The following HEATR1 variants were observed in gnomAD, a reference collection of about 807,000 sequenced individuals.
HEATR1 encodes the protein HEAT repeat-containing protein 1.
A neutral mutation model predicts 248.2 loss-of-function variants in HEATR1; 77 were observed. The ratio of observed to expected loss-of-function variants is 0.31; its 90% confidence interval spans 0.26 to 0.37. The LOEUF (loss-of-function observed/expected upper bound fraction) is 0.37. Ranked by LOEUF, HEATR1 falls within the 10% of genes least tolerant of loss-of-function variation. The probability of loss-of-function intolerance (pLI) is 1.00; values close to 1 mark genes in which losing one functional copy is unlikely to be tolerated. For synonymous variants in HEATR1, 897 were observed against 923.1 expected, an observed-to-expected ratio of 0.97 and a Z score of 0.51; for missense variants, 2,420 against 2,504.9, an observed-to-expected ratio of 0.97 and a Z score of 0.72.
chr1:236,550,364 C>T lies in HEATR1; in HGVS notation c.*538G>A, dbSNP rs1403329259. The T allele has an allele frequency of 1.3e-5, 2 of 152,234 alleles. No individual in the cohort carries two copies. Among genetic ancestry groups the T allele is most frequent in the Non-Finnish European group, 2.9e-5 (2 of 68,082 alleles). 9.4% of individuals were successfully genotyped at this position (152,234 alleles called of 1,614,324 possible). A position where few individuals can be genotyped will look rare whatever the true frequency, so the allele number is the denominator to read the frequency against. On this transcript the variant is annotated 3_prime_UTR_variant, in exon 45 of 45. Transcript: ENST00000366582. ...TGGGTTAAAAAAAGCATTCCAGAAC[C>T]ACTTCTCTTTATGGGCACAACAAAG...
intron 22 of HEATR1, 31 bp from the exon 23 acceptor site, chr1:236,574,934 T>C (rs1663528221): frequency 3.1e-6 from 5 of 1,597,592 alleles, no homozygotes; most frequent in Non-Finnish European, 4.3e-6. Flanking sequence ...TAGTAAATAG[T>C]TATGTATACT....
At position 236,594,053 on chromosome 1, in the gene HEATR1, T is replaced by C; in HGVS notation, c.1152A>G (p.Thr384=). ...IYKRHLEAIL[T]KISLKNNLDH... is the part of the protein sequence containing the mutation. ...CTAAGTTGTTCTTCAGTGATATTTT[T>C]GTAAGTATAGCTTCTAAGTGTCTCT... The change falls in exon 9 of 45, where the codon ACA becomes ACG. Residue 384 remains threonine, a synonymous_variant. Transcript: ENST00000366582. 2 of 1,600,700 alleles carry C rather than the reference T, an allele frequency of 1.2e-6. No homozygotes were observed. Among genetic ancestry groups the C allele is most frequent in the South Asian group, 1.1e-5 (1 of 87,496 alleles).
At chr1:236,589,145 G>A (rs1007347333) in intron 12 of HEATR1, among the ~76,000 whole-genome samples, 4 of 152,098 alleles carry the variant, frequency 2.6e-5, no homozygotes, top group Admixed American at 2.0e-4. Flanking sequence ...ACCAAACCCA[G>A]AGAACAGGAG....
At chr1:236,591,717 A>T (rs1385742996) in intron 11 of HEATR1, among the ~76,000 whole-genome samples, 1 of 142,390 alleles carries the variant, frequency 7.0e-6, no homozygotes, top group Non-Finnish European at 1.6e-5. Context: ...CCGTCCTCTG[A>T]TGATTCTTAA....
chr1:236,555,234 A>C, intron 41 of HEATR1, 62 bp downstream of exon 41: 1 of 1,541,414 alleles, frequency 6.5e-7, no homozygotes, highest in Non-Finnish European at 8.8e-7. Flanking sequence ...GTTGTGTCTT[A>C]CTGGTACCTT....
chr1:236,569,504 G>C (rs188327346), intron 28 of HEATR1, among the ~76,000 whole-genome samples: 1 of 152,048 alleles, frequency 6.6e-6, no homozygotes, highest in African/African-American at 2.4e-5. Flanking sequence ...AATAAAAAGA[G>C]AAATAACCTG....
At chr1:236,591,530 C>T (rs1421073954) in intron 11 of HEATR1, among the ~76,000 whole-genome samples, 1 of 152,116 alleles carries the variant, frequency 6.6e-6, no homozygotes, top group East Asian at 1.9e-4. Flanking sequence ...AATGTCTAAC[C>T]TCTAGTATAA....
At chr1:236,559,666 TA>T (rs775265359) in intron 34 of HEATR1, 47 bp downstream of exon 34, 16 of 1,547,550 alleles carry the variant, frequency 1.0e-5, no homozygotes, top group Admixed American at 1.9e-5. Flanking sequence ...CACAATAATT[TA>T]AAAAACAGCA....
In HEATR1 at chr1:236,558,492, G is replaced by C; in HGVS notation, c.4949C>G (p.Ala1650Gly). ...RFLKLVPDLL[A>G]IVQRKKKEGE... is the part of the protein sequence containing the mutation. The stretch of plus-strand genomic sequence containing the variant: ...TTCCTTTTTCTTACGCTGCACAATG[G>C]CCAAAAGGTCTGGAACCAGTTTTAG... The change falls in exon 36 of 45, where the codon GCC (alanine) becomes GGC (glycine). Residue 1650 changes from alanine (A) to glycine (G), a missense_variant. Coordinates refer to ENST00000366582, the MANE Select transcript of HEATR1 (RefSeq NM_018072.6). 1.9e-6 allele frequency: 3 copies of C among 1,613,966 alleles called. No homozygotes were observed. Among genetic ancestry groups the C allele is most frequent in the Non-Finnish European group, 2.5e-6 (3 of 1,179,892 alleles).
At chr1:236,602,895 GC>G (rs1664363315) in intron 3 of HEATR1, 2 of 337,040 alleles carry the variant, frequency 5.9e-6, no homozygotes, top group Non-Finnish European at 1.1e-5. Context: ...TTGCACTCCA[GC>G]CTGAGTGCCC....
At position 236,550,258 on chromosome 1, in the gene HEATR1, G is replaced by A. The variant is rs1662664788; in HGVS notation, c.*644C>T. On this transcript the variant is annotated 3_prime_UTR_variant, in exon 45 of 45. Coordinates refer to ENST00000366582, the MANE Select transcript of HEATR1 (RefSeq NM_018072.6). ...GCCCTCTGTGTGAGCAGCCAGGTGT[G>A]AGCTGTTTTAGAAGCAGCGTGTTGC... 1 of 152,160 alleles carries A rather than the reference G, an allele frequency of 6.6e-6. No individual in the cohort carries two copies. Among genetic ancestry groups the A allele is most frequent in the South Asian group, 2.1e-4 (1 of 4,822 alleles). 9.4% of individuals were successfully genotyped at this position (152,160 alleles called of 1,614,324 possible).
rs61730303 is a variant in HEATR1, at chr1:236,558,379, G to C, written c.5062C>G (p.Pro1688Ala). Residue 1688 changes from proline (P) to alanine (A), a missense_variant, in exon 36 of 45, where the codon CCT becomes GCT. Coordinates refer to ENST00000366582, the MANE Select transcript of HEATR1 (RefSeq NM_018072.6). ...GCAGTGTTCAGCACTGGGACAAAAG[G>C]ATCTGGATTTTCTGCACCAAAATTC... Reference protein sequence around the residue: ...CKNFGAENPDPFVPVLNTAVK... With the variant: ...CKNFGAENPDAFVPVLNTAVK... 2.3e-3 allele frequency: 3,680 copies of C among 1,614,160 alleles called. 9 individuals are homozygous for C. Among genetic ancestry groups the C allele is most frequent in the Non-Finnish European group, 2.8e-3 (3,251 of 1,180,014 alleles).
Position 236,574,283 on chromosome 1 carries a change from C to T in HEATR1, c.3378G>A (p.Lys1126=), listed in dbSNP as rs757271104. 36 of 1,612,376 alleles carry T rather than the reference C, an allele frequency of 2.2e-5. No homozygotes were observed. The highest frequency in any genetic ancestry group is 2.8e-5 in the Non-Finnish European group (33 of 1,179,316). The change falls in exon 24 of 45, where the codon AAG becomes AAA. Residue 1126 remains lysine (K), a synonymous_variant. Coordinates refer to ENST00000366582, the MANE Select transcript of HEATR1 (RefSeq NM_018072.6). ...ATAAATCAAACAACATTCTTAAAAG[C>T]TTCTGCTGAACTTTTTCATCTGATA... The part of the protein sequence containing the change: ...AAISDEKVQQ[K]LLRMLFDLLV...
intron 44 of HEATR1, 136 bp from the exon 45 acceptor site, chr1:236,551,126 AAGC>A: frequency 1.4e-6 from 1 of 692,836 alleles, no homozygotes; most frequent in Admixed American, 3.2e-5. Flanking sequence ...CACATTAACA[AAGC>A]AGGAGGCGCC....
At chr1:236,581,468 TC>T in intron 19 of HEATR1, 54 bp from the exon 20 acceptor site, 1 of 1,278,006 alleles carries the variant, frequency 7.8e-7, no homozygotes, top group Non-Finnish European at 1.1e-6. Context: ...ATAAGCTGGT[TC>T]CAAATCCTCT....
intron 11 of HEATR1, 77 bp downstream of exon 11, chr1:236,591,916 A>T: frequency 1.2e-6 from 1 of 849,440 alleles, no homozygotes; most frequent in South Asian, 2.1e-5. Flanking sequence ...AAAAGTGGCA[A>T]ATTTCCTTCT....
intron 26 of HEATR1, among the ~76,000 whole-genome samples, chr1:236,571,905 C>T (rs1333375741): frequency 6.6e-6 from 1 of 152,172 alleles, no homozygotes; most frequent in Non-Finnish European, 1.5e-5. Context: ...TCCACGTCCT[C>T]TCTATTGCAC....
At chr1:236,572,110 T>C (rs1041931898) in intron 26 of HEATR1, among the ~76,000 whole-genome samples, 22 of 152,128 alleles carry the variant, frequency 1.4e-4, no homozygotes, top group Non-Finnish European at 3.1e-4. Flanking sequence ...TCTATATCTA[T>C]ATAAATTCAA....
Position 236,592,650 on chromosome 1 carries a change from A to T in HEATR1, c.1194-17T>A, listed in dbSNP as rs1421255250. On this transcript the variant is annotated splice_polypyrimidine_tract_variant and intron_variant, in intron 9 of 44. Transcript: ENST00000366582. The stretch of plus-strand genomic sequence containing the variant: ...AATAGAAGGCTGTAAAAAAAAAAAC[A>T]GAAATATCAGCATACATAAGAGTTA... 1.0e-6 allele frequency: 1 copy of T among 978,032 alleles called. No homozygotes were observed. The highest frequency in any genetic ancestry group is 2.1e-5 in the Admixed American group (1 of 47,696). The allele number at this position is 978,032 out of a possible 1,614,324, so 60.6% of individuals were successfully genotyped here.
Sources: gnomAD v4.1 joint callset for allele counts (sites outside exome capture counted in the v4.1 genomes callset) on GRCh38, gnomAD v4.1.1 for gene constraint, MANE v1.5 for transcripts, NCBI Gene and HGNC (gene_info 2026-07-23, HGNC 2026-07-21) for gene names.